WWOX: variants seen among roughly 807,000 people sequenced by gnomAD.
The protein encoded by WWOX is WW domain containing oxidoreductase.
WWOX carries 69 observed loss-of-function variants against 46.2 expected under a neutral mutation model. The observed-to-expected ratio is 1.49, with a 90% CI of 1.23 to 1.82. WWOX has a LOEUF of 1.82. Among genes scored for constraint, WWOX ranks in the 40% most tolerant of loss-of-function variants. WWOX has a pLI of 0.00. For synonymous variants in WWOX, 359 were observed against 202.6 expected (o/e 1.77, Z -6.56); for missense variants, 919 against 542.6 (o/e 1.69, Z -6.89).
At chr16:78,986,244 A>G (rs570550174) in intron 8 of WWOX, among the ~76,000 whole-genome samples, 1 of 152,242 alleles carries the variant, frequency 6.6e-6, no homozygotes, top group Admixed American at 6.5e-5. Context: ...AGAAAAACTT[A>G]TTGAAAATAG....
chr16:78,563,638 A>G (rs945290449), intron 8 of WWOX, among the ~76,000 whole-genome samples: 1 of 151,854 alleles, frequency 6.6e-6, no homozygotes, highest in Non-Finnish European at 1.5e-5. Context: ...TGTGTTGAAT[A>G]AACTATATTA....
intron 8 of WWOX, among the ~76,000 whole-genome samples, chr16:78,781,195 C>A (rs1025635351): frequency 6.6e-6 from 1 of 152,160 alleles, no homozygotes; most frequent in African/African-American, 2.4e-5. Flanking sequence ...TGTTGTGACC[C>A]CTGGCTTGTT....
intron 8 of WWOX, among the ~76,000 whole-genome samples, chr16:78,467,372 C>T (rs925557772): frequency 6.6e-6 from 1 of 151,950 alleles, no homozygotes; most frequent in Non-Finnish European, 1.5e-5. Context: ...ATAAAATGAT[C>T]AATTCAAGCT....
intron 5 of WWOX, among the ~76,000 whole-genome samples, chr16:78,304,575 G>C (rs1053794000): frequency 6.6e-6 from 1 of 152,186 alleles, no homozygotes; most frequent in Non-Finnish European, 1.5e-5. Flanking sequence ...ATTTCATAGA[G>C]ACTTTTTCAT....
At chr16:79,050,184 G>C (rs2048140123) in intron 8 of WWOX, among the ~76,000 whole-genome samples, 1 of 152,192 alleles carries the variant, frequency 6.6e-6, no homozygotes, top group African/African-American at 2.4e-5. Flanking sequence ...AGCAGAACTA[G>C]GCTGGGCTTG....
At chr16:78,700,810 A>G (rs1220081290) in intron 8 of WWOX, among the ~76,000 whole-genome samples, 1 of 152,210 alleles carries the variant, frequency 6.6e-6, no homozygotes, top group East Asian at 1.9e-4. Context: ...GTGAATATTT[A>G]TTGAATGATT....
At chr16:79,190,559 A>C (rs2051114902) in intron 8 of WWOX, among the ~76,000 whole-genome samples, 1 of 152,170 alleles carries the variant, frequency 6.6e-6, no homozygotes, top group Admixed American at 6.5e-5. Context: ...ACTTGGATTA[A>C]ACTGGCACGA....
chr16:79,079,577 T>C (rs1202914164), intron 8 of WWOX, among the ~76,000 whole-genome samples: 1 of 152,232 alleles, frequency 6.6e-6, no homozygotes, highest in Non-Finnish European at 1.5e-5. Flanking sequence ...AATTTTTGCC[T>C]GTAACCTTCT....
intron 8 of WWOX, among the ~76,000 whole-genome samples, chr16:78,678,776 T>C (rs1299118955): frequency 6.6e-6 from 1 of 152,168 alleles, no homozygotes. Context: ...TCTCTTCTTG[T>C]GCGTGGCCTG....
intron 8 of WWOX, among the ~76,000 whole-genome samples, chr16:78,587,386 G>A (rs1238760117): frequency 1.3e-5 from 2 of 151,546 alleles, no homozygotes; most frequent in Admixed American, 6.6e-5. Context: ...GCAACCAAAG[G>A]GAGCATAACT....
intron 5 of WWOX, among the ~76,000 whole-genome samples, chr16:78,346,737 C>T (rs4569297): frequency 0.57 from 66,601 of 117,562 alleles, 27,514 homozygotes; most frequent in African/African-American, 0.8. Flanking sequence ...TGGAGTCTCG[C>T]TCTGTTGCCC....
At chr16:78,497,445 G>T (rs948374444) in intron 8 of WWOX, among the ~76,000 whole-genome samples, 6 of 152,236 alleles carry the variant, frequency 3.9e-5, no homozygotes, top group South Asian at 4.1e-4. Context: ...AAAACAGGTA[G>T]CAAAAGCAAA....
At chr16:78,912,760 C>G (rs553590518) in intron 8 of WWOX, among the ~76,000 whole-genome samples, 1 of 152,030 alleles carries the variant, frequency 6.6e-6, no homozygotes, top group East Asian at 1.9e-4. Flanking sequence ...TCTCTAAAAC[C>G]AACTTCTAGT....
chr16:79,008,023 G>T (rs539913729), intron 8 of WWOX, among the ~76,000 whole-genome samples: 88 of 152,304 alleles, frequency 5.8e-4, no homozygotes, highest in African/African-American at 2.1e-3. Flanking sequence ...CCTGGTTCAG[G>T]CTGGGACTTC....
chr16:78,768,289 A>AAAAAAAAAAAAAAAAAAAAG (rs2049976395), intron 8 of WWOX, among the ~76,000 whole-genome samples: 1 of 148,912 alleles, frequency 6.7e-6, no homozygotes, highest in African/African-American at 2.5e-5. Context: ...TAAAAAAAAA[A>AAAAAAAAAAAAAAAAAAAAG]AAAAAAAAAA....
At chr16:78,321,118 AAG>A (rs1305642474) in intron 5 of WWOX, among the ~76,000 whole-genome samples, 1 of 152,112 alleles carries the variant, frequency 6.6e-6, no homozygotes, top group South Asian at 2.1e-4. Context: ...AAGCGTAGAA[AAG>A]TTGGGTACAT....
Position 79,011,148 on chromosome 16 carries a change from C to G in WWOX, c.1057-200460C>G, listed in dbSNP as rs940372225. Among the ~76,000 whole-genome samples the G allele has an allele frequency of 2.2e-4, 14 of 63,078 alleles. No individual in the cohort carries two copies. The East Asian group carries it at 0.041, about 184-fold the overall frequency. 41.4% of individuals were successfully genotyped at this position (63,078 alleles called of 152,430 possible). ...TCACTCACACATCCACACACACACACACACACACACACACACACACACACA... is the reference window on the plus strand; with the variant it reads ...TCACTCACACATCCACACACACACAGACACACACACACACACACACACACA... On this transcript the variant is annotated intron_variant, in intron 8 of 8. Transcript: ENST00000566780.
chr16:78,933,567 C>T (rs11866965), intron 8 of WWOX, among the ~76,000 whole-genome samples: 17,373 of 152,218 alleles, frequency 0.11, 1,140 homozygotes, highest in Middle Eastern at 0.15. Context: ...CATGAATTAG[C>T]CCATTTTCAT....
At chr16:78,807,451 C>T (rs2051072364) in intron 8 of WWOX, among the ~76,000 whole-genome samples, 1 of 152,198 alleles carries the variant, frequency 6.6e-6, no homozygotes, top group Non-Finnish European at 1.5e-5. Flanking sequence ...ATCGCTGAAT[C>T]ATGAGGCCAT....
Sources: allele counts gnomAD v4.1 joint callset (sites outside exome capture counted in the v4.1 genomes callset), GRCh38; gene constraint gnomAD v4.1.1; transcripts MANE v1.5; gene names NCBI Gene and HGNC (gene_info 2026-07-23, HGNC 2026-07-21).